The following SPIDR variants were observed in gnomAD, a reference collection of about 807,000 sequenced individuals.
SPIDR encodes DNA repair-scaffolding protein.
SPIDR carries 93 observed loss-of-function variants against 104.6 expected under a neutral mutation model. The observed-to-expected ratio is 0.89, with a 90% confidence interval of 0.75 to 1.06. SPIDR has a LOEUF of 1.06. Among genes scored for constraint, SPIDR ranks in the 50% least tolerant of loss-of-function variants. The pLI is 0.00. For missense variants in SPIDR, 1,154 were observed against 1,111.2 expected (o/e 1.04, Z -0.55); for synonymous variants, 431 against 416.9 (o/e 1.03, Z -0.41).
intron 7 of SPIDR, among the ~76,000 whole-genome samples, chr8:47,423,894 G>A (rs1246738388): frequency 2.0e-5 from 3 of 152,210 alleles, no homozygotes; most frequent in Non-Finnish European, 2.9e-5. Flanking sequence ...AGAGGAAACA[G>A]TTTCCAACAT....
chr8:47,299,823 G>C (rs7388536), intron 5 of SPIDR, among the ~76,000 whole-genome samples: 72,561 of 151,924 alleles, frequency 0.48, 21,090 homozygotes, highest in African/African-American at 0.83. Flanking sequence ...GGTGGATAAG[G>C]TTTTTGATGT....
At chr8:47,392,716 G>A (rs1339584381) in intron 5 of SPIDR, among the ~76,000 whole-genome samples, 2 of 152,114 alleles carry the variant, frequency 1.3e-5, no homozygotes, top group African/African-American at 4.8e-5. Flanking sequence ...CTTAAGCATC[G>A]TCGTACCAGG....
chr8:47,278,424 A>G (rs1177479495), intron 1 of SPIDR, among the ~76,000 whole-genome samples: 3 of 151,848 alleles, frequency 2.0e-5, no homozygotes, highest in East Asian at 1.9e-4. Flanking sequence ...GGCTCAAGCA[A>G]TCCTCCTACC....
chr8:47,621,554 C>T lies in SPIDR; in HGVS notation c.1544+22358C>T, dbSNP rs551070566. On this transcript the variant is annotated intron_variant, in intron 10 of 19. Coordinates refer to ENST00000297423, the MANE Select transcript of SPIDR (RefSeq NM_001080394.4). ...CGTCTTTGAAGGAAGGGGCTCTGCC[C>T]TTTCTTGCCTGTGTGTGCACATATC... Among the ~76,000 whole-genome samples the T allele has an allele frequency of 4.6e-5, 7 of 152,336 alleles. No individual in the cohort carries two copies. The East Asian group carries it at 1.4e-3, about 29-fold the overall frequency.
chr8:47,564,221 G>A (rs1421083108), intron 8 of SPIDR, among the ~76,000 whole-genome samples: 1 of 151,738 alleles, frequency 6.6e-6, no homozygotes, highest in African/African-American at 2.4e-5. Context: ...TGGGACTACA[G>A]GTGCATACCA....
intron 5 of SPIDR, among the ~76,000 whole-genome samples, chr8:47,376,635 ATGT>A (rs2058691624): frequency 6.6e-6 from 1 of 152,198 alleles, no homozygotes; most frequent in Admixed American, 6.5e-5. Context: ...AGAACATTTG[ATGT>A]TGTACTAAGG....
intron 8 of SPIDR, among the ~76,000 whole-genome samples, chr8:47,585,921 G>A (rs192300939): frequency 3.0e-4 from 46 of 152,194 alleles, no homozygotes; most frequent in African/African-American, 1.0e-3. Flanking sequence ...TGCCACATTG[G>A]GGATTAAGCT....
intron 8 of SPIDR, among the ~76,000 whole-genome samples, chr8:47,479,836 C>G (rs1281063374): frequency 1.3e-5 from 2 of 152,216 alleles, no homozygotes; most frequent in East Asian, 3.8e-4. Flanking sequence ...TGCCCAAGAA[C>G]TGAACAGCAG....
chr8:47,303,910 C>T (rs587593722), intron 5 of SPIDR, among the ~76,000 whole-genome samples: 1 of 152,260 alleles, frequency 6.6e-6, no homozygotes, highest in East Asian at 1.9e-4. Flanking sequence ...CTCCTGACCT[C>T]AGTTGATCCA....
chr8:47,277,760 C>T (rs972811860), intron 1 of SPIDR, among the ~76,000 whole-genome samples: 3 of 150,538 alleles, frequency 2.0e-5, no homozygotes, highest in Non-Finnish European at 3.0e-5. Context: ...CTGCAACCTC[C>T]GCCTCCTGGG....
At chr8:47,313,880 CA>C (rs1554587491) in intron 5 of SPIDR, among the ~76,000 whole-genome samples, 1 of 152,062 alleles carries the variant, frequency 6.6e-6, no homozygotes, top group African/African-American at 2.4e-5. Context: ...ATTCTGTAGC[CA>C]AATAAGAAAA....
At chr8:47,503,459 C>A (rs957257133) in intron 8 of SPIDR, among the ~76,000 whole-genome samples, 2 of 151,922 alleles carry the variant, frequency 1.3e-5, no homozygotes, top group African/African-American at 2.4e-5. Flanking sequence ...GGATTGCAAC[C>A]CCTGCCGTTT....
intron 8 of SPIDR, among the ~76,000 whole-genome samples, chr8:47,453,014 T>C (rs1225902590): frequency 6.6e-6 from 1 of 152,030 alleles, no homozygotes; most frequent in Admixed American, 6.5e-5. Flanking sequence ...TTCAGCAAAG[T>C]CTCAGGATAC....
intron 8 of SPIDR, among the ~76,000 whole-genome samples, chr8:47,497,617 G>T (rs1363663522): frequency 2.0e-5 from 3 of 152,264 alleles, no homozygotes; most frequent in Admixed American, 1.3e-4. Context: ...TGGTCTGTTT[G>T]GGAGAATGTC....
chr8:47,343,792 TAC>T (rs2051267724), intron 5 of SPIDR, among the ~76,000 whole-genome samples: 1 of 152,072 alleles, frequency 6.6e-6, no homozygotes, highest in Non-Finnish European at 1.5e-5. Flanking sequence ...CAGAAGTTTC[TAC>T]AGTTAATTCT....
intron 8 of SPIDR, among the ~76,000 whole-genome samples, chr8:47,595,535 G>A (rs2061546267): frequency 6.6e-6 from 1 of 152,184 alleles, no homozygotes; most frequent in Admixed American, 6.5e-5. Flanking sequence ...TCCCCCTGAG[G>A]GGTCTTGAGG....
At chr8:47,649,368 ATGAGGGT>A (rs1021656910) in intron 10 of SPIDR, among the ~76,000 whole-genome samples, 4 of 152,192 alleles carry the variant, frequency 2.6e-5, no homozygotes, top group African/African-American at 9.7e-5. Context: ...CAAACCCAAA[ATGAGGGT>A]TCATGCTGTA....
rs1421985514 is a variant in SPIDR at position 47,735,295 on chromosome 8, T to C, written c.2605-12T>C. On this transcript the variant is annotated splice_polypyrimidine_tract_variant and intron_variant, in intron 19 of 19. Coordinates refer to ENST00000297423, the MANE Select transcript of SPIDR (RefSeq NM_001080394.4). ...CTGTTTGCTTTAACCAGCGTGCCTT[T>C]TATCACTGCAGAGCTACGAAGTGAA... 6.2e-7 allele frequency: 1 copy of C among 1,614,016 alleles called. No individual in the cohort carries two copies. Among genetic ancestry groups the C allele is most frequent in the South Asian group, 1.1e-5 (1 of 91,074 alleles).
intron 6 of SPIDR, among the ~76,000 whole-genome samples, chr8:47,405,656 C>T (rs909118086): frequency 1.3e-5 from 2 of 152,186 alleles, no homozygotes; most frequent in Non-Finnish European, 2.9e-5. Flanking sequence ...GATATCTTAA[C>T]TTGCTGAGTG....
Sources: gnomAD v4.1 joint callset for allele counts (sites outside exome capture counted in the v4.1 genomes callset) on GRCh38, gnomAD v4.1.1 for gene constraint, MANE v1.5 for transcripts, NCBI Gene and HGNC (gene_info 2026-07-23, HGNC 2026-07-21) for gene names.